The following CPNE9 variants were observed in gnomAD, a reference collection of about 807,000 sequenced individuals.
CPNE9 encodes the protein copine-9.
Under a neutral mutation model 83.0 loss-of-function variants are expected in CPNE9, and 59 were observed. The ratio of observed to expected loss-of-function variants is 0.71; its 90% CI spans 0.58 to 0.88. The LOEUF (loss-of-function observed/expected upper bound fraction) is 0.88. Among genes scored for constraint, CPNE9 ranks in the 40% least tolerant of loss-of-function variants. The probability of loss-of-function intolerance (pLI) is 0.00; values close to 1 mark genes in which losing one functional copy is unlikely to be tolerated. For missense variants in CPNE9, 619 were observed against 720.8 expected (o/e 0.86, Z 1.62); for synonymous variants, 256 against 273.4 (o/e 0.94, Z 0.63).
At chr3:9,713,545 G>A (rs2076650247) in intron 10 of CPNE9, among the ~76,000 whole-genome samples, 1 of 152,112 alleles carries the variant, frequency 6.6e-6, no homozygotes, top group Non-Finnish European at 1.5e-5. Context: ...ATGGATGGGT[G>A]GGTGATAAAT....
intron 4 of CPNE9, 92 bp downstream of exon 4, chr3:9,705,086 C>T: frequency 1.1e-6 from 1 of 945,410 alleles, no homozygotes; most frequent in South Asian, 1.4e-5. Context: ...CGCCTCCGGC[C>T]TGGTTCTTCT....
chr3:9,719,029 G>T (rs919006286), intron 17 of CPNE9, among the ~76,000 whole-genome samples: 1 of 151,126 alleles, frequency 6.6e-6, no homozygotes, highest in African/African-American at 2.4e-5. Flanking sequence ...TAGAGACGGG[G>T]TTTCACCATG....
intron 4 of CPNE9, 55 bp from the exon 5 acceptor site, chr3:9,705,409 T>G: frequency 1.0e-6 from 1 of 952,692 alleles, no homozygotes; most frequent in Non-Finnish European, 1.6e-6. Context: ...CCCGACCCCT[T>G]TCCACCCTCT....
In CPNE9 at chr3:9,718,519, G is replaced by A; in HGVS notation, c.1158G>A (p.Val386=). Residue 386 remains valine (V), a synonymous_variant, in exon 17 of 21, where the codon GTG becomes GTA. Transcript: ENST00000383832. ...CCAACTGTGCGGGCATCGAGGGTGTGCTGGAGAGCTATTTCCAGAGCCTGC... is the reference window on the plus strand; with the variant it reads ...CCAACTGTGCGGGCATCGAGGGTGTACTGGAGAGCTATTTCCAGAGCCTGC... The part of the protein sequence containing the change: ...EDPNCAGIEG[V]LESYFQSLRT... The A allele has an allele frequency of 6.2e-7, 1 of 1,613,678 alleles. No individual in the cohort carries two copies. The highest frequency in any genetic ancestry group is 8.5e-7 in the Non-Finnish European group (1 of 1,179,970).
At chr3:9,723,799 C>A (rs550497924) in intron 17 of CPNE9, among the ~76,000 whole-genome samples, 1 of 152,322 alleles carries the variant, frequency 6.6e-6, no homozygotes, top group East Asian at 1.9e-4. Flanking sequence ...CTGCCTCAGC[C>A]TCCCAAAGTG....
chr3:9,726,640 A>G (rs1272344854), intron 18 of CPNE9, 25 bp from the exon 19 acceptor site: 4 of 1,601,834 alleles, frequency 2.5e-6, no homozygotes, highest in Non-Finnish European at 2.6e-6. Flanking sequence ...GCTTGCCCCA[A>G]CAGTTCACCC....
At chr3:9,713,661 T>A (rs2076651143) in intron 10 of CPNE9, among the ~76,000 whole-genome samples, 2 of 152,030 alleles carry the variant, frequency 1.3e-5, no homozygotes, top group Admixed American at 1.3e-4. Context: ...GATGGTTGGA[T>A]AGATGAATAG....
At chr3:9,705,171 C>T in intron 4 of CPNE9, 177 bp downstream of exon 4, 3 of 655,124 alleles carry the variant, frequency 4.6e-6, no homozygotes, top group Non-Finnish European at 8.3e-6. Flanking sequence ...GGTCCAGTTC[C>T]GTCCCCCGCT....
At position 9,729,516 on chromosome 3, in the gene CPNE9, T is replaced by C; in HGVS notation, c.1486T>C (p.Phe496Leu). ...AERDIVQFVPFRDYVDRSGNQ... is the reference protein window; with the variant it reads ...AERDIVQFVPLRDYVDRSGNQ... ...TCTGTGCCTGACCCAGTTCGTCCCA[T>C]TCCGAGACTATGTTGACCGGTCGGG... is the stretch of plus-strand genomic sequence containing the variant. Residue 496 changes from phenylalanine to leucine, a missense_variant, in exon 21 of 21, where the codon TTC becomes CTC. Physicochemically the swap from Phe to Leu is conservative, Grantham distance 22 (BLOSUM62 0). Transcript: ENST00000383832. 1 of 1,612,838 alleles carries C rather than the reference T, an allele frequency of 6.2e-7. No individual in the cohort carries two copies. The highest frequency in any genetic ancestry group is 8.5e-7 in the Non-Finnish European group (1 of 1,178,992).
Position 9,710,550 on chromosome 3 carries a change from T to C in CPNE9, c.378-1991T>C, listed in dbSNP as rs543293984. Among the ~76,000 whole-genome samples, 18 of 152,334 alleles carry C rather than the reference T, an allele frequency of 1.2e-4. No homozygotes were observed. The East Asian group carries it at 3.5e-3, about 29-fold the overall frequency. ...AACTGGAGAGTGAAGGGCCTTGGGA[T>C]GTACAGTATGACTCTGAGGTAGCAA... On this transcript the variant is annotated intron_variant, in intron 7 of 20. Transcript: ENST00000383832.
chr3:9,712,828 C>T lies in CPNE9; in HGVS notation c.545C>T (p.Thr182Met), dbSNP rs190521882. ...TTCTACAGGAGCAATGAGGATGGCA[C>T]GTGAGTCACTGCCATCAGGGCTGTT... is the stretch of plus-strand genomic sequence containing the variant. ...LVFYRSNEDG[T>M]FTICHKTEVV... The change falls in exon 9 of 21, where the codon ACG (threonine) becomes ATG (methionine). Residue 182 changes from threonine to methionine, a missense_variant and splice_region_variant. Physicochemically the swap from Thr to Met is moderately conservative, Grantham distance 81. Coordinates refer to ENST00000383832, the MANE Select transcript of CPNE9 (RefSeq NM_153635.3). The T allele has an allele frequency of 3.4e-5, 54 of 1,609,832 alleles. No homozygotes were observed. Among genetic ancestry groups the T allele is most frequent in the South Asian group, 6.6e-5 (6 of 90,944 alleles).
At chr3:9,720,848 C>G (rs1025666476) in intron 17 of CPNE9, among the ~76,000 whole-genome samples, 6 of 152,198 alleles carry the variant, frequency 3.9e-5, no homozygotes, top group Non-Finnish European at 8.8e-5. Context: ...CGGAGCCAGA[C>G]TAGCCAAGTT....
chr3:9,722,166 C>CCA (rs1462596591), intron 17 of CPNE9, among the ~76,000 whole-genome samples: 5 of 151,740 alleles, frequency 3.3e-5, no homozygotes, highest in African/African-American at 1.2e-4. Context: ...ATCCACCCCC[C>CCA]CCCGCCACCC....
chr3:9,716,761 C>T (rs1001980483), intron 14 of CPNE9, among the ~76,000 whole-genome samples: 7 of 152,196 alleles, frequency 4.6e-5, no homozygotes, highest in Non-Finnish European at 1.0e-4. Context: ...TGAGCCACGG[C>T]GCCCAGCCAA....
chr3:9,721,631 C>A (rs1477556301), intron 17 of CPNE9, among the ~76,000 whole-genome samples: 6 of 152,082 alleles, frequency 3.9e-5, no homozygotes, highest in African/African-American at 1.2e-4. Flanking sequence ...ATGAGAGAAA[C>A]AGAAGCAGAG....
In CPNE9 at chr3:9,707,079, C is replaced by T. The variant is rs964441775; in HGVS notation, c.377+1016C>T. ...TTAAGAATAAACCTTGGGGGCCAGG[C>T]GCGGTGGCTCACACCTGTAATCCCA... On this transcript the variant is annotated intron_variant, in intron 7 of 20. Coordinates refer to ENST00000383832, the MANE Select transcript of CPNE9 (RefSeq NM_153635.3). Among the ~76,000 whole-genome samples the T allele has an allele frequency of 2.0e-5, 3 of 152,056 alleles. No homozygotes were observed. The East Asian group carries it at 5.8e-4, about 29-fold the overall frequency.
chr3:9,725,666 A>ATATATGTG, intron 17 of CPNE9, among the ~76,000 whole-genome samples: 1 of 40,690 alleles, frequency 2.5e-5, no homozygotes, highest in South Asian at 6.6e-4. Context: ...GTATATATGT[A>ATATATGTG]TATATATGTG....
At chr3:9,706,200 T>C (rs1195298833) in intron 7 of CPNE9, 137 bp downstream of exon 7, 6 of 704,696 alleles carry the variant, frequency 8.5e-6, no homozygotes, top group Non-Finnish European at 1.4e-5. Flanking sequence ...ATCACCCTCG[T>C]AGAAAAGTCC....
chr3:9,712,067 C>T (rs1040142015), intron 7 of CPNE9, among the ~76,000 whole-genome samples: 3 of 152,184 alleles, frequency 2.0e-5, no homozygotes, highest in African/African-American at 7.2e-5. Flanking sequence ...ATATCTATCA[C>T]AGCACCCAGC....
Sources: gnomAD v4.1 joint callset for allele counts (sites outside exome capture counted in the v4.1 genomes callset) on GRCh38, gnomAD v4.1.1 for gene constraint, MANE v1.5 for transcripts, NCBI Gene and HGNC (gene_info 2026-07-23, HGNC 2026-07-21) for gene names.